The following RAI14 variants were observed in gnomAD, a reference collection of about 807,000 sequenced individuals.
RAI14 encodes retinoic acid induced 14, also known as ankycorbin.
Under a neutral mutation model 115.4 loss-of-function variants are expected in RAI14, and 45 were observed. The ratio of observed to expected loss-of-function variants is 0.39; its 90% CI spans 0.31 to 0.50. The LOEUF (loss-of-function observed/expected upper bound fraction) is 0.50, where lower values mean the gene tolerates loss of function less well. Ranked by LOEUF, RAI14 falls within the 20% of genes least tolerant of loss-of-function variation. RAI14 has a pLI of 0.85. For missense variants in RAI14, 939 were observed against 1,131.2 expected, an observed-to-expected ratio of 0.83 and a Z score of 2.44; for synonymous variants, 371 against 415.4, an observed-to-expected ratio of 0.89 and a Z score of 1.30.
chr5:34,717,416 AG>A (rs1742131112), intron 2 of RAI14, among the ~76,000 whole-genome samples: 1 of 152,222 alleles, frequency 6.6e-6, no homozygotes, highest in Non-Finnish European at 1.5e-5. Flanking sequence ...CAGTTTTATG[AG>A]GCGGAATATC....
chr5:34,719,994 TA>T (rs985023453), intron 2 of RAI14, among the ~76,000 whole-genome samples: 31 of 151,906 alleles, frequency 2.0e-4, no homozygotes, highest in Non-Finnish European at 3.5e-4. Context: ...TCCTAAGATT[TA>T]AAAAAAAATT....
At chr5:34,819,792 G>A (rs1449913274) in intron 13 of RAI14, among the ~76,000 whole-genome samples, 1 of 152,004 alleles carries the variant, frequency 6.6e-6, no homozygotes, top group Non-Finnish European at 1.5e-5. Flanking sequence ...TTTTAGAGAT[G>A]GGGTCTTACT....
intron 2 of RAI14, among the ~76,000 whole-genome samples, chr5:34,726,888 G>C (rs1229858510): frequency 1.3e-5 from 2 of 152,132 alleles, no homozygotes; most frequent in Non-Finnish European, 2.9e-5. Flanking sequence ...CCTAATCTCA[G>C]GTATGTCTTT....
intron 15 of RAI14, among the ~76,000 whole-genome samples, chr5:34,825,148 G>A (rs1757310184): frequency 6.6e-6 from 1 of 151,926 alleles, no homozygotes; most frequent in African/African-American, 2.4e-5. Flanking sequence ...GGTGGTATGA[G>A]CATGTAGTCC....
intron 3 of RAI14, among the ~76,000 whole-genome samples, chr5:34,774,787 C>G (rs1461895578): frequency 6.6e-6 from 1 of 151,356 alleles, no homozygotes; most frequent in African/African-American, 2.4e-5. Flanking sequence ...TCATATGAAC[C>G]CACAAAAGAC....
At chr5:34,714,598 C>T (rs778600076) in intron 2 of RAI14, among the ~76,000 whole-genome samples, 1 of 152,178 alleles carries the variant, frequency 6.6e-6, no homozygotes, top group Non-Finnish European at 1.5e-5. Context: ...AGCAAGAACT[C>T]TTCAGCTTTA....
chr5:34,731,742 T>C (rs1744212598), intron 2 of RAI14, among the ~76,000 whole-genome samples: 1 of 152,242 alleles, frequency 6.6e-6, no homozygotes, highest in Non-Finnish European at 1.5e-5. Context: ...GTGATAAACT[T>C]TCTTTGTAAA....
chr5:34,805,179 G>A (rs1160591265), intron 5 of RAI14, among the ~76,000 whole-genome samples: 3 of 152,158 alleles, frequency 2.0e-5, no homozygotes, highest in African/African-American at 4.8e-5. Flanking sequence ...TTTCACTAGC[G>A]TGGTAGTGTG....
intron 3 of RAI14, among the ~76,000 whole-genome samples, chr5:34,793,369 A>G (rs143689379): frequency 0.012 from 1,873 of 152,338 alleles, 17 homozygotes; most frequent in Non-Finnish European, 0.016. Context: ...CCAGCCACCC[A>G]TAAAAGACTA....
At chr5:34,738,806 T>C (rs1179510974) in intron 2 of RAI14, among the ~76,000 whole-genome samples, 1 of 152,222 alleles carries the variant, frequency 6.6e-6, no homozygotes, top group Non-Finnish European at 1.5e-5. Flanking sequence ...TACCACAGTT[T>C]CCTATGCAGA....
intron 10 of RAI14, 60 bp from the exon 11 acceptor site, chr5:34,813,514 G>A: frequency 8.3e-7 from 1 of 1,200,106 alleles, no homozygotes; most frequent in Non-Finnish European, 1.2e-6. Flanking sequence ...AAAGCTACTT[G>A]CCCAGACTTT....
intron 2 of RAI14, among the ~76,000 whole-genome samples, chr5:34,693,647 C>T (rs1738897154): frequency 6.6e-6 from 1 of 152,182 alleles, no homozygotes; most frequent in Non-Finnish European, 1.5e-5. Context: ...TGGCCAAAGT[C>T]GCACATTTGG....
chr5:34,709,864 G>A (rs1335823609), intron 2 of RAI14, among the ~76,000 whole-genome samples: 12 of 152,166 alleles, frequency 7.9e-5, no homozygotes, highest in African/African-American at 2.4e-4. Context: ...GCATAAGAAT[G>A]AATTAACCAC....
chr5:34,784,757 T>C (rs1337999437), intron 3 of RAI14, among the ~76,000 whole-genome samples: 1 of 152,238 alleles, frequency 6.6e-6, no homozygotes, highest in Non-Finnish European at 1.5e-5. Flanking sequence ...GACTTGCTTT[T>C]CGATTAGCTG....
intron 2 of RAI14, among the ~76,000 whole-genome samples, chr5:34,729,142 A>G (rs1743852100): frequency 6.6e-6 from 1 of 152,084 alleles, no homozygotes; most frequent in Non-Finnish European, 1.5e-5. Context: ...GGATCCTTTG[A>G]GCCCAGGAGT....
chr5:34,824,946 C>CAAAAAAAA (rs1174399473), intron 15 of RAI14, among the ~76,000 whole-genome samples: 1 of 66,564 alleles, frequency 1.5e-5, no homozygotes. Context: ...GACTTCATCT[C>CAAAAAAAA]AAAAAAAAAA....
At chr5:34,674,425 T>C (rs1018532375) in intron 1 of RAI14, among the ~76,000 whole-genome samples, 2 of 152,300 alleles carry the variant, frequency 1.3e-5, no homozygotes, top group Non-Finnish European at 2.9e-5. Context: ...CCAATGAATA[T>C]GTAGTAAGCC....
chr5:34,739,342 G>A (rs181818486), intron 2 of RAI14, among the ~76,000 whole-genome samples: 2 of 152,138 alleles, frequency 1.3e-5, no homozygotes. Flanking sequence ...GTGCACCCAG[G>A]TGGTCTGGCT....
rs1352907691 is a variant in RAI14 at position 34,787,950 on chromosome 5, G to A, written c.168-7989G>A. 6.4e-5 allele frequency among the ~76,000 whole-genome samples: 6 copies of A among 93,344 alleles called. 1 individual carries two copies. The highest frequency in any genetic ancestry group is 0.025 in the Middle Eastern group (2 of 80). 61.2% of individuals were successfully genotyped at this position (93,344 alleles called of 152,430 possible). On this transcript the variant is annotated intron_variant, in intron 3 of 17. Transcript: ENST00000265109. Reference sequence around the variant, plus strand: ...TTTTTTTTTGAGACAGGGTCTCACCGTCACCCAGGCTAGAGTGCAGTGGTG... The same window carrying A: ...TTTTTTTTTGAGACAGGGTCTCACCATCACCCAGGCTAGAGTGCAGTGGTG...
Sources: gnomAD v4.1 joint callset for allele counts (sites outside exome capture counted in the v4.1 genomes callset) on GRCh38, gnomAD v4.1.1 for gene constraint, MANE v1.5 for transcripts, NCBI Gene and HGNC (gene_info 2026-07-23, HGNC 2026-07-21) for gene names.